SLC9A9: variants seen among roughly 807,000 people sequenced by gnomAD.
SLC9A9 encodes sodium/hydrogen exchanger 9.
In SLC9A9, 62 loss-of-function variants were observed where a neutral mutation model predicts 77.8. The ratio of observed to expected loss-of-function variants is 0.80; its 90% confidence interval spans 0.65 to 0.98. SLC9A9 has a LOEUF of 0.98. Ranked by LOEUF, SLC9A9 falls within the 50% of genes least tolerant of loss-of-function variation. SLC9A9 has a pLI of 0.00. For missense variants in SLC9A9, 775 were observed against 774.9 expected (o/e 1.00, Z 0.00); for synonymous variants, 320 against 283.5 (o/e 1.13, Z -1.29).
chr3:143,275,412 G>A (rs541364646), intron 14 of SLC9A9, among the ~76,000 whole-genome samples: 1 of 152,200 alleles, frequency 6.6e-6, no homozygotes, highest in Admixed American at 6.5e-5. Context: ...TAGTTCCAAG[G>A]GTGTTATTTC....
Position 143,266,446 on chromosome 3 carries a change from T to A in SLC9A9, c.*256A>T. 1.8e-6 allele frequency: 1 copy of A among 561,536 alleles called. No individual in the cohort carries two copies. Among genetic ancestry groups the A allele is most frequent in the Non-Finnish European group, 3.2e-6 (1 of 313,722 alleles). 34.8% of individuals were successfully genotyped at this position (561,536 alleles called of 1,614,324 possible). On this transcript the variant is annotated 3_prime_UTR_variant, in exon 16 of 16. Coordinates refer to ENST00000316549, the MANE Select transcript of SLC9A9 (RefSeq NM_173653.4). ...CTCCAGCAGCTAGACTCCTGATACC[T>A]CCATCCCCACCCCAGCCAATCCAGT... is the stretch of plus-strand genomic sequence containing the variant.
chr3:143,644,389 G>A (rs1306112577), intron 6 of SLC9A9, among the ~76,000 whole-genome samples: 2 of 152,202 alleles, frequency 1.3e-5, no homozygotes, highest in Non-Finnish European at 2.9e-5. Context: ...TAGAGTTCTG[G>A]AGACGCTGCC....
At chr3:143,542,483 G>C (rs78105651) in intron 9 of SLC9A9, among the ~76,000 whole-genome samples, 7,629 of 152,198 alleles carry the variant, frequency 0.05, 318 homozygotes, top group African/African-American at 0.11. Context: ...AACTGGGATG[G>C]AAAGTGACTG....
intron 9 of SLC9A9, among the ~76,000 whole-genome samples, chr3:143,497,853 A>C (rs1340954427): frequency 6.6e-6 from 1 of 152,200 alleles, no homozygotes; most frequent in Non-Finnish European, 1.5e-5. Context: ...CTTTTCAGAT[A>C]ATAAGAAAGT....
At chr3:143,584,174 T>C (rs1464668888) in intron 6 of SLC9A9, among the ~76,000 whole-genome samples, 1 of 151,660 alleles carries the variant, frequency 6.6e-6, no homozygotes, top group Non-Finnish European at 1.5e-5. Context: ...TCTCTCCTGA[T>C]CACGACACTC....
intron 9 of SLC9A9, among the ~76,000 whole-genome samples, chr3:143,543,581 C>T (rs557805025): frequency 2.0e-5 from 3 of 152,022 alleles, no homozygotes; most frequent in Non-Finnish European, 4.4e-5. Context: ...CTACTGTTGC[C>T]ATCTTTATGT....
At chr3:143,405,102 A>G (rs1247812435) in intron 12 of SLC9A9, among the ~76,000 whole-genome samples, 1 of 152,192 alleles carries the variant, frequency 6.6e-6, no homozygotes, top group African/African-American at 2.4e-5. Flanking sequence ...ACCCCCAGGC[A>G]TGAATGTGAT....
At chr3:143,816,285 C>A (rs2009015864) in intron 2 of SLC9A9, among the ~76,000 whole-genome samples, 1 of 152,160 alleles carries the variant, frequency 6.6e-6, no homozygotes, top group Non-Finnish European at 1.5e-5. Context: ...CTCACTGTAA[C>A]CTTGAACTCG....
chr3:143,388,958 G>C (rs78577984), intron 12 of SLC9A9, among the ~76,000 whole-genome samples: 9,158 of 152,258 alleles, frequency 0.06, 416 homozygotes, highest in African/African-American at 0.13. Flanking sequence ...AAAGGTTGGG[G>C]AGGGGACTCC....
intron 14 of SLC9A9, among the ~76,000 whole-genome samples, chr3:143,278,048 G>A (rs12637224): frequency 0.085 from 12,887 of 152,180 alleles, 751 homozygotes; most frequent in East Asian, 0.2. Flanking sequence ...AATGGAGTGT[G>A]TGCCTGAGAA....
chr3:143,835,640 G>A (rs1456056145), intron 1 of SLC9A9, among the ~76,000 whole-genome samples: 2 of 152,240 alleles, frequency 1.3e-5, no homozygotes, highest in African/African-American at 4.8e-5. Flanking sequence ...ATGTTAATGA[G>A]AGTAGGTTGT....
rs894735301 is a variant in SLC9A9 at position 143,847,996 on chromosome 3, T to G, written c.175+152A>C. On this transcript the variant is annotated intron_variant, in intron 1 of 15. Coordinates refer to ENST00000316549, the MANE Select transcript of SLC9A9 (RefSeq NM_173653.4). Reference sequence around the variant, plus strand: ...TTCGGCGGCTTGTCTGTAAAGAGATTAGCATTCGTTACGCTGCAGCACCTT... The same window carrying G: ...TTCGGCGGCTTGTCTGTAAAGAGATGAGCATTCGTTACGCTGCAGCACCTT... The G allele has an allele frequency of 7.4e-6, 6 of 814,322 alleles. No individual in the cohort carries two copies. In the African/African-American group the frequency reaches 8.5e-5, roughly 12 times the overall value. 50.4% of individuals were successfully genotyped at this position (814,322 alleles called of 1,614,324 possible). A position where few individuals can be genotyped will look rare whatever the true frequency, so the allele number is the denominator to read the frequency against.
intron 4 of SLC9A9, among the ~76,000 whole-genome samples, chr3:143,776,972 T>A (rs1053961982): frequency 2.6e-5 from 4 of 152,168 alleles, no homozygotes; most frequent in African/African-American, 9.7e-5. Context: ...AAAATTATCT[T>A]TTGTGGGGGC....
chr3:143,406,390 T>C (rs1002966872), intron 12 of SLC9A9, among the ~76,000 whole-genome samples: 33 of 152,036 alleles, frequency 2.2e-4, no homozygotes, highest in Non-Finnish European at 4.6e-4. Context: ...TATCTTTTTT[T>C]TTTTGAGATG....
intron 2 of SLC9A9, among the ~76,000 whole-genome samples, chr3:143,800,675 C>T (rs532885335): frequency 3.6e-4 from 55 of 152,344 alleles, no homozygotes; most frequent in Admixed American, 1.4e-3. Flanking sequence ...GCCCTCATTA[C>T]TTCAGCCAAG....
At chr3:143,380,596 C>T (rs1301317268) in intron 13 of SLC9A9, among the ~76,000 whole-genome samples, 1 of 152,180 alleles carries the variant, frequency 6.6e-6, no homozygotes, top group Non-Finnish European at 1.5e-5. Context: ...CTTTGATCTC[C>T]TTTCTAAGGT....
intron 2 of SLC9A9, among the ~76,000 whole-genome samples, chr3:143,818,721 A>G (rs904476987): frequency 6.6e-6 from 1 of 152,200 alleles, no homozygotes; most frequent in Non-Finnish European, 1.5e-5. Context: ...CTTTTCAAAA[A>G]TTACTGGAAG....
At chr3:143,669,158 T>A (rs1164125886) in intron 5 of SLC9A9, among the ~76,000 whole-genome samples, 4 of 152,216 alleles carry the variant, frequency 2.6e-5, no homozygotes, top group African/African-American at 9.6e-5. Context: ...CTTCCATGGT[T>A]TTGACCTCAT....
At chr3:143,450,909 A>G (rs2034995880) in intron 12 of SLC9A9, among the ~76,000 whole-genome samples, 2 of 152,156 alleles carry the variant, frequency 1.3e-5, no homozygotes, top group Non-Finnish European at 2.9e-5. Context: ...CTCAACAAAG[A>G]GAATGGTTTA....
Sources: allele counts gnomAD v4.1 joint callset (sites outside exome capture counted in the v4.1 genomes callset), GRCh38; gene constraint gnomAD v4.1.1; transcripts MANE v1.5; gene names NCBI Gene and HGNC (gene_info 2026-07-23, HGNC 2026-07-21).